RANBP17: variants seen among roughly 807,000 people sequenced by gnomAD.
The protein encoded by RANBP17 is RAN binding protein 17.
In RANBP17, 158 loss-of-function variants were observed where a neutral mutation model predicts 141.2. The ratio of observed to expected loss-of-function variants is 1.12; its 90% CI spans 0.98 to 1.28. The LOEUF (loss-of-function observed/expected upper bound fraction) is 1.28, where lower values mean the gene tolerates loss of function less well. RANBP17 is among the 50% of genes most tolerant of loss of function. RANBP17 has a pLI of 0.00. For missense variants in RANBP17, 1,438 were observed against 1,290.7 expected, an observed-to-expected ratio of 1.11 and a Z score of -1.75; for synonymous variants, 430 against 450.0, an observed-to-expected ratio of 0.96 and a Z score of 0.56.
intron 14 of RANBP17, among the ~76,000 whole-genome samples, chr5:171,079,391 CATT>C (rs1006352365): frequency 6.6e-6 from 1 of 152,178 alleles, no homozygotes; most frequent in Non-Finnish European, 1.5e-5. Context: ...AATTACATAA[CATT>C]AGTTGATAAA....
intron 5 of RANBP17, chr5:170,896,994 C>A: frequency 9.2e-7 from 1 of 1,089,552 alleles, no homozygotes; most frequent in Non-Finnish European, 1.4e-6. Flanking sequence ...GCTTCTGGGA[C>A]CTGGCACTAA....
At chr5:171,031,290 G>A (rs1781535923) in intron 14 of RANBP17, among the ~76,000 whole-genome samples, 2 of 151,978 alleles carry the variant, frequency 1.3e-5, no homozygotes, top group South Asian at 4.2e-4. Flanking sequence ...CTTACTGTAA[G>A]CAAAACAAAA....
intron 14 of RANBP17, among the ~76,000 whole-genome samples, chr5:171,093,529 C>G (rs1786466110): frequency 1.3e-5 from 2 of 152,164 alleles, no homozygotes; most frequent in Non-Finnish European, 2.9e-5. Context: ...AGGGAAGCTT[C>G]TGGAAAAGCA....
At chr5:171,209,280 T>A (rs1401391608) in intron 20 of RANBP17, among the ~76,000 whole-genome samples, 2 of 152,188 alleles carry the variant, frequency 1.3e-5, no homozygotes, top group Non-Finnish European at 2.9e-5. Flanking sequence ...ACCACTCATT[T>A]CATGGTTGGA....
chr5:171,062,855 G>C (rs567240211), intron 14 of RANBP17, among the ~76,000 whole-genome samples: 4,006 of 151,932 alleles, frequency 0.026, 135 homozygotes, highest in African/African-American at 0.09. Flanking sequence ...GGCTTTGTTC[G>C]TTTCTTTTTA....
intron 14 of RANBP17, among the ~76,000 whole-genome samples, chr5:171,038,413 T>C (rs754478706): frequency 4.6e-5 from 7 of 152,122 alleles, no homozygotes; most frequent in African/African-American, 7.2e-5. Flanking sequence ...TAGTTTGACT[T>C]CTTTTCCTAT....
At chr5:171,272,966 G>A (rs1767217381) in intron 25 of RANBP17, among the ~76,000 whole-genome samples, 1 of 152,054 alleles carries the variant, frequency 6.6e-6, no homozygotes, top group Admixed American at 6.6e-5. Context: ...AGATGTTGAA[G>A]GTATATAATT....
At chr5:171,046,368 C>T (rs953049517) in intron 14 of RANBP17, among the ~76,000 whole-genome samples, 16 of 151,936 alleles carry the variant, frequency 1.1e-4, no homozygotes, top group Non-Finnish European at 1.9e-4. Context: ...TCCACCACGT[C>T]CAGCTAATTT....
At chr5:170,986,727 G>A (rs1411325075) in intron 14 of RANBP17, among the ~76,000 whole-genome samples, 1 of 151,844 alleles carries the variant, frequency 6.6e-6, no homozygotes, top group Admixed American at 6.6e-5. Context: ...ATTGTTTTGT[G>A]TAATTACTTA....
In RANBP17 at chr5:171,131,959, T is replaced by C. The variant is rs137938341; in HGVS notation, c.1711-38171T>C. On this transcript the variant is annotated intron_variant, in intron 14 of 27. Transcript: ENST00000523189. ...AATGATTAAGTTGCAGAGCTGCTAC[T>C]GATTATGTTTTGTCATTTATCTCTA... Among the ~76,000 whole-genome samples the C allele has an allele frequency of 5.4e-3, 827 of 152,342 alleles. 7 individuals are homozygous for C. The highest frequency in any genetic ancestry group is 8.4e-3 in the Non-Finnish European group (571 of 68,028).
intron 12 of RANBP17, among the ~76,000 whole-genome samples, chr5:170,927,879 G>A (rs2127452019): frequency 6.6e-6 from 1 of 152,074 alleles, no homozygotes; most frequent in South Asian, 2.1e-4. Flanking sequence ...CATTTCTTTT[G>A]GATAGGTACC....
chr5:170,865,631 A>G (rs915607952), intron 1 of RANBP17, among the ~76,000 whole-genome samples: 1 of 152,146 alleles, frequency 6.6e-6, no homozygotes, highest in African/African-American at 2.4e-5. Flanking sequence ...TTGAGTCTTT[A>G]TAGAAGAATA....
intron 21 of RANBP17, 113 bp from the exon 22 acceptor site, chr5:171,221,645 T>G: frequency 1.5e-6 from 1 of 675,068 alleles, no homozygotes; most frequent in Non-Finnish European, 2.6e-6. Flanking sequence ...AGTGGAACTT[T>G]AAGAGACAAT....
In RANBP17 at chr5:171,009,807, A is replaced by G. The variant is rs183975226; in HGVS notation, c.1710+41430A>G. Among the ~76,000 whole-genome samples the G allele has an allele frequency of 5.9e-5, 9 of 152,320 alleles. No homozygotes were observed. The East Asian group carries it at 1.5e-3, about 26-fold the overall frequency. ...TGATAACAATTATAACCTCTGGACAAAACATTAAAGAAAAAGAAACACTGT... is the reference window on the plus strand; with the variant it reads ...TGATAACAATTATAACCTCTGGACAGAACATTAAAGAAAAAGAAACACTGT... On this transcript the variant is annotated intron_variant, in intron 14 of 27. Transcript: ENST00000523189.
intron 14 of RANBP17, among the ~76,000 whole-genome samples, chr5:171,087,290 A>T (rs200358977): frequency 0.052 from 7,938 of 152,014 alleles, 247 homozygotes; most frequent in East Asian, 0.11. Flanking sequence ...GGGATTCTTA[A>T]TCCTGAGTTC....
At chr5:170,910,921 T>A in intron 6 of RANBP17, 48 bp from the exon 7 acceptor site, 1 of 1,547,458 alleles carries the variant, frequency 6.5e-7, no homozygotes, top group Non-Finnish European at 8.9e-7. Flanking sequence ...AAGTGTAAAT[T>A]TATTGATGTA....
intron 14 of RANBP17, among the ~76,000 whole-genome samples, chr5:171,105,734 A>AT: frequency 6.6e-6 from 1 of 151,216 alleles, no homozygotes. Context: ...AAAAAAAAAA[A>AT]TTTATTCTAT....
At chr5:171,009,180 T>C (rs570038232) in intron 14 of RANBP17, among the ~76,000 whole-genome samples, 1 of 152,320 alleles carries the variant, frequency 6.6e-6, no homozygotes, top group East Asian at 1.9e-4. Context: ...TTGATTTCAG[T>C]GCCAATCTTT....
intron 12 of RANBP17, among the ~76,000 whole-genome samples, chr5:170,949,986 A>G (rs1315558012): frequency 6.6e-6 from 1 of 152,206 alleles, no homozygotes; most frequent in Non-Finnish European, 1.5e-5. Flanking sequence ...TCAAGAACAT[A>G]CATTGGGGAA....
Sources: gnomAD v4.1 joint callset for allele counts (sites outside exome capture counted in the v4.1 genomes callset) on GRCh38, gnomAD v4.1.1 for gene constraint, MANE v1.5 for transcripts, NCBI Gene and HGNC (gene_info 2026-07-23, HGNC 2026-07-21) for gene names.